Variants in DGKH observed in about 807,000 individuals in gnomAD.
The protein encoded by DGKH is diacylglycerol kinase eta.
DGKH carries 90 observed loss-of-function variants against 159.3 expected under a neutral mutation model. The ratio of observed to expected loss-of-function variants is 0.57; its 90% CI spans 0.48 to 0.67. The LOEUF (loss-of-function observed/expected upper bound fraction) is 0.67. DGKH is among the 30% of genes least tolerant of loss of function. The pLI is 0.00. For synonymous variants in DGKH, 536 were observed against 553.8 expected (o/e 0.97, Z 0.45); for missense variants, 1,181 against 1,506.1 (o/e 0.78, Z 3.57).
intron 1 of DGKH, among the ~76,000 whole-genome samples, chr13:42,049,733 A>T (rs1209729919): frequency 6.6e-6 from 1 of 152,212 alleles, no homozygotes; most frequent in Non-Finnish European, 1.5e-5. Context: ...TGCTGTGTGG[A>T]CATTAGGATG....
chr13:42,160,906 A>G (rs1386951310), intron 7 of DGKH, among the ~76,000 whole-genome samples: 1 of 151,618 alleles, frequency 6.6e-6, no homozygotes, highest in Non-Finnish European at 1.5e-5. Context: ...TGTGTGATGT[A>G]TTGCTTTCCT....
intron 1 of DGKH, among the ~76,000 whole-genome samples, chr13:42,112,743 G>A (rs1185651463): frequency 2.6e-5 from 4 of 152,234 alleles, no homozygotes; most frequent in African/African-American, 9.6e-5. Context: ...CCATTCTCCT[G>A]TAAGCGGGGA....
intron 1 of DGKH, among the ~76,000 whole-genome samples, chr13:42,124,687 A>G (rs1425453427): frequency 6.6e-6 from 1 of 152,218 alleles, no homozygotes; most frequent in East Asian, 1.9e-4. Context: ...ATCCCTGTAT[A>G]TTAAGCTGGT....
chr13:42,176,400 T>G (rs930796261), intron 12 of DGKH, among the ~76,000 whole-genome samples: 3 of 152,228 alleles, frequency 2.0e-5, no homozygotes, highest in African/African-American at 7.2e-5. Flanking sequence ...GCTGTAAAGA[T>G]GTAATTTTTA....
At chr13:42,155,937 A>ATT (rs950461694) in intron 5 of DGKH, 138 bp downstream of exon 5, 1 of 1,016,338 alleles carries the variant, frequency 9.8e-7, no homozygotes, top group African/African-American at 1.6e-5. Context: ...CAGGAAAAAA[A>ATT]AACATAGTCA....
Position 42,252,998 on chromosome 13 carries a change from T to TC in DGKH, n.4127+518dup, listed in dbSNP as rs541915295. Among the ~76,000 whole-genome samples, 36 of 152,252 alleles carry TC rather than the reference T, an allele frequency of 2.4e-4. 1 individual carries two copies. In the East Asian group the frequency reaches 6.0e-3, roughly 25 times the overall value. On this transcript the variant is annotated intron_variant and non_coding_transcript_variant, in intron 30 of 30. Transcript: ENST00000498255. ...GCCTCCTACAACTTTTAATAGGTAG[T>TC]CTCATTATTATCCAATTTCAAGCAT...
At position 42,048,938 on chromosome 13, in the gene DGKH, G is replaced by A; in HGVS notation, c.165G>A (p.Val55=). The change falls in exon 1 of 30, where the codon GTG becomes GTA. Residue 55 remains valine, a synonymous_variant. Coordinates refer to ENST00000337343, the MANE Select transcript of DGKH (RefSeq NM_178009.5). This position sits in a 1 kb window ranked among gnomAD's most constrained non-coding sequence, Gnocchi z 6.7. ...QEGPQKLIRK[V]STSGQIRTKT... ...GACCCCAGAAACTGATCCGCAAAGTGTCTACCTCGGGGCAGATCCGGACCA... is the reference window on the plus strand; with the variant it reads ...GACCCCAGAAACTGATCCGCAAAGTATCTACCTCGGGGCAGATCCGGACCA... The A allele has an allele frequency of 7.6e-7, 1 of 1,321,058 alleles. No homozygotes were observed. The highest frequency in any genetic ancestry group is 9.7e-7 in the Non-Finnish European group (1 of 1,027,778). 81.8% of individuals were successfully genotyped at this position (1,321,058 alleles called of 1,614,324 possible). A position where few individuals can be genotyped will look rare whatever the true frequency, so the allele number is the denominator to read the frequency against.
At chr13:42,050,222 T>G (rs1172807921) in intron 1 of DGKH, among the ~76,000 whole-genome samples, 1 of 152,036 alleles carries the variant, frequency 6.6e-6, no homozygotes, top group Non-Finnish European at 1.5e-5. Context: ...AATAAAAAAA[T>G]TAGCTGGGCT....
chr13:42,160,294 C>T (rs572081069), intron 7 of DGKH, among the ~76,000 whole-genome samples, 158 bp downstream of exon 7: 1 of 152,314 alleles, frequency 6.6e-6, no homozygotes, highest in South Asian at 2.1e-4. Flanking sequence ...CAGTATAGTC[C>T]TCCTAGTCTG....
At position 42,094,750 on chromosome 13, in the gene DGKH, A is replaced by G. The variant is rs188463835; in HGVS notation, c.193-32713A>G. Among the ~76,000 whole-genome samples, 7 of 152,304 alleles carry G rather than the reference A, an allele frequency of 4.6e-5. No homozygotes were observed. The East Asian group carries it at 1.2e-3, about 25-fold the overall frequency. ...ATTAATTTTTGTTTATGCAAAGCCC[A>G]TATGTTGTTTTCCACAGTCTCAAAA... On this transcript the variant is annotated intron_variant, in intron 1 of 29. Coordinates refer to ENST00000337343, the MANE Select transcript of DGKH (RefSeq NM_178009.5).
chr13:42,065,064 A>G (rs1882462312), intron 1 of DGKH, among the ~76,000 whole-genome samples: 2 of 152,218 alleles, frequency 1.3e-5, no homozygotes. Flanking sequence ...AGTAAGTGCT[A>G]GTAAATGCCA....
intron 26 of DGKH, among the ~76,000 whole-genome samples, chr13:42,218,502 CTTTT>C (rs56173082): frequency 7.9e-5 from 7 of 88,302 alleles, no homozygotes; most frequent in Admixed American, 1.3e-4. Context: ...CATGTGGTGA[CTTTT>C]TTTTTTTTTT....
intron 24 of DGKH, among the ~76,000 whole-genome samples, chr13:42,212,044 T>G (rs1196605231): frequency 6.6e-6 from 1 of 152,200 alleles, no homozygotes; most frequent in Non-Finnish European, 1.5e-5. Context: ...TTGAGTGCTC[T>G]GTGTATAGTA....
At chr13:42,075,410 C>G (rs749432413) in intron 1 of DGKH, among the ~76,000 whole-genome samples, 20 of 152,258 alleles carry the variant, frequency 1.3e-4, no homozygotes, top group Non-Finnish European at 2.1e-4. Flanking sequence ...CCCAGGACAT[C>G]AATGAATATG....
intron 24 of DGKH, among the ~76,000 whole-genome samples, chr13:42,212,241 A>G (rs1024305256): frequency 3.9e-5 from 6 of 152,138 alleles, no homozygotes; most frequent in Non-Finnish European, 8.8e-5. Context: ...ACTGTGTGAG[A>G]TGTTAGAGAC....
At chr13:42,170,421 T>A (rs1427002367) in intron 11 of DGKH, among the ~76,000 whole-genome samples, 2 of 151,384 alleles carry the variant, frequency 1.3e-5, no homozygotes, top group Non-Finnish European at 2.9e-5. Context: ...TCAAAAAAAA[T>A]TAAAAATAAA....
At chr13:42,227,184 G>C (rs1479410512) in intron 29 of DGKH, among the ~76,000 whole-genome samples, 1 of 152,070 alleles carries the variant, frequency 6.6e-6, no homozygotes, top group African/African-American at 2.4e-5. Context: ...TGAGTTGATA[G>C]GTGCAGCAAA....
intron 3 of DGKH, among the ~76,000 whole-genome samples, chr13:42,132,209 T>C (rs1955303721): frequency 6.6e-6 from 1 of 152,238 alleles, no homozygotes; most frequent in African/African-American, 2.4e-5. Context: ...ATATATGCAA[T>C]GTACAGTGAT....
At chr13:42,079,982 T>C (rs1210070596) in intron 1 of DGKH, among the ~76,000 whole-genome samples, 2 of 152,224 alleles carry the variant, frequency 1.3e-5, no homozygotes, top group Non-Finnish European at 2.9e-5. Context: ...CCCATTTTCC[T>C]TCCACTTTCT....
Sources: allele counts gnomAD v4.1 joint callset (sites outside exome capture counted in the v4.1 genomes callset), GRCh38; gene constraint gnomAD v4.1.1; non-coding constraint Gnocchi (gnomAD v3.1); transcripts MANE v1.5; gene names NCBI Gene and HGNC (gene_info 2026-07-23, HGNC 2026-07-21).